Variants in RBFOX1 observed in about 807,000 individuals in gnomAD.
RBFOX1 encodes RNA binding fox-1 homolog 1.
A neutral mutation model predicts 57.7 loss-of-function variants in RBFOX1; 8 were observed. That is an observed-to-expected ratio of 0.14 (90% CI 0.08 to 0.25). The LOEUF (loss-of-function observed/expected upper bound fraction) is 0.25, where lower values mean the gene tolerates loss of function less well. Ranked by LOEUF, RBFOX1 falls within the 10% of genes least tolerant of loss-of-function variation. The pLI is 1.00. For synonymous variants in RBFOX1, 326 were observed against 222.4 expected, an observed-to-expected ratio of 1.47 and a Z score of -4.15; for missense variants, 611 against 548.5, an observed-to-expected ratio of 1.11 and a Z score of -1.14.
At chr16:6,158,301 C>A (rs1008413229) in intron 1 of RBFOX1, among the ~76,000 whole-genome samples, 2 of 152,126 alleles carry the variant, frequency 1.3e-5, no homozygotes, top group African/African-American at 2.4e-5. Flanking sequence ...AGGCGATGCA[C>A]CTACAGCAAT....
intron 4 of RBFOX1, among the ~76,000 whole-genome samples, chr16:7,294,630 A>T (rs2095855874): frequency 6.6e-6 from 1 of 152,158 alleles, no homozygotes; most frequent in Non-Finnish European, 1.5e-5. Context: ...AAGGACAAGA[A>T]AGCTAGGAAA....
At chr16:6,290,146 T>C (rs190036482) in intron 1 of RBFOX1, among the ~76,000 whole-genome samples, 3 of 146,760 alleles carry the variant, frequency 2.0e-5, no homozygotes, top group Admixed American at 6.8e-5. Context: ...CTACCTTTTT[T>C]ATGAATTTTG....
In RBFOX1 at chr16:5,943,094, T is replaced by C. The variant is rs558788027; in HGVS notation, c.351+75759T>C. Reference sequence around the variant, plus strand: ...TCCCTCATCAGAGATTCTCCCACCCTGAGGGGAGCTGTCCCTGGACCTCAG... The same window carrying C: ...TCCCTCATCAGAGATTCTCCCACCCCGAGGGGAGCTGTCCCTGGACCTCAG... On this transcript the variant is annotated intron_variant, in intron 4 of 19. Coordinates refer to the RBFOX1 transcript ENST00000641259. Among the ~76,000 whole-genome samples the C allele has an allele frequency of 3.3e-5, 5 of 152,292 alleles. No homozygotes were observed. The South Asian group carries it at 1.0e-3, about 32-fold the overall frequency.
At chr16:7,695,468 C>A (rs1184889242) in intron 14 of RBFOX1, among the ~76,000 whole-genome samples, 1 of 151,956 alleles carries the variant, frequency 6.6e-6, no homozygotes, top group Non-Finnish European at 1.5e-5. Context: ...GCCTGGCCAA[C>A]ATGGTGAAAC....
intron 4 of RBFOX1, among the ~76,000 whole-genome samples, chr16:7,417,232 G>C (rs1052164158): frequency 6.6e-6 from 1 of 151,788 alleles, no homozygotes; most frequent in Admixed American, 6.6e-5. Flanking sequence ...TACTGGCTGG[G>C]CGTGGTGGTG....
intron 5 of RBFOX1, among the ~76,000 whole-genome samples, chr16:7,527,302 C>T (rs907140371): frequency 2.6e-5 from 4 of 152,032 alleles, no homozygotes; most frequent in African/African-American, 4.8e-5. Flanking sequence ...AACTAAAGAC[C>T]TTTATTACCC....
intron 1 of RBFOX1, chr16:5,365,703 T>C: frequency 2.7e-6 from 1 of 364,300 alleles, no homozygotes; most frequent in South Asian, 2.2e-5. Flanking sequence ...GAGCTTTCCC[T>C]GGTGTGATTC....
chr16:5,587,076 A>T (rs2046857444), intron 2 of RBFOX1, among the ~76,000 whole-genome samples: 1 of 152,192 alleles, frequency 6.6e-6, no homozygotes, highest in South Asian at 2.1e-4. Context: ...AAGCTCTGAA[A>T]ATGGACATGG....
intron 4 of RBFOX1, among the ~76,000 whole-genome samples, chr16:7,331,012 G>A (rs562926242): frequency 6.6e-6 from 1 of 152,130 alleles, no homozygotes; most frequent in Non-Finnish European, 1.5e-5. Flanking sequence ...TTTTTGAATT[G>A]TACAACGTGG....
At chr16:5,831,712 G>A (rs2056282332) in intron 3 of RBFOX1, among the ~76,000 whole-genome samples, 1 of 151,916 alleles carries the variant, frequency 6.6e-6, no homozygotes, top group African/African-American at 2.4e-5. Flanking sequence ...TGGGATTACA[G>A]GTGTGAGCCA....
chr16:7,354,596 A>G (rs1260176875), intron 4 of RBFOX1, among the ~76,000 whole-genome samples: 2 of 152,222 alleles, frequency 1.3e-5, no homozygotes, highest in Non-Finnish European at 2.9e-5. Flanking sequence ...TTAGGATTTC[A>G]TTCAATTTAA....
intron 1 of RBFOX1, among the ~76,000 whole-genome samples, chr16:6,087,085 C>A (rs951470214): frequency 2.6e-5 from 4 of 152,110 alleles, no homozygotes; most frequent in African/African-American, 9.7e-5. Context: ...GGAAAAGAGA[C>A]AAATTTGACA....
chr16:7,076,690 A>G (rs1019422223), intron 4 of RBFOX1, among the ~76,000 whole-genome samples: 1 of 152,226 alleles, frequency 6.6e-6, no homozygotes, highest in African/African-American at 2.4e-5. Flanking sequence ...AAGTGTAAAC[A>G]ATTCTAAATA....
At chr16:5,823,984 G>A (rs1597389036) in intron 3 of RBFOX1, among the ~76,000 whole-genome samples, 1 of 152,150 alleles carries the variant, frequency 6.6e-6, no homozygotes, top group Non-Finnish European at 1.5e-5. Flanking sequence ...TGCCAAAAAG[G>A]CTGGGAACCA....
At chr16:7,538,989 A>C (rs1050043444) in intron 5 of RBFOX1, among the ~76,000 whole-genome samples, 10 of 152,028 alleles carry the variant, frequency 6.6e-5, no homozygotes, top group African/African-American at 2.4e-4. Flanking sequence ...TGAATTCGAA[A>C]AAGGTGTGTC....
At chr16:6,691,651 A>G (rs1317000730) in intron 3 of RBFOX1, among the ~76,000 whole-genome samples, 2 of 152,194 alleles carry the variant, frequency 1.3e-5, no homozygotes, top group East Asian at 1.9e-4. Context: ...ACAAACGTAA[A>G]ATGACCATGG....
At chr16:5,397,248 C>T (rs2066584711) in intron 1 of RBFOX1, among the ~76,000 whole-genome samples, 1 of 152,226 alleles carries the variant, frequency 6.6e-6, no homozygotes, top group South Asian at 2.1e-4. Context: ...GATTTTCCCC[C>T]TCTGGTTTCA....
chr16:5,592,974 G>A (rs769608176), intron 2 of RBFOX1, among the ~76,000 whole-genome samples: 1 of 152,186 alleles, frequency 6.6e-6, no homozygotes, highest in Non-Finnish European at 1.5e-5. Context: ...GACCTACTGA[G>A]CTGTGTTCCC....
Position 7,170,504 on chromosome 16 carries a change from C to T in RBFOX1, c.27+118406C>T, listed in dbSNP as rs1289568609. On this transcript the variant is annotated intron_variant, in intron 4 of 15. Transcript: ENST00000550418. The stretch of plus-strand genomic sequence containing the variant: ...TTGCCCATATTGGTCTCAAATTCCT[C>T]AGCTCAAGTATGAGTAGATGGGATT... Among the ~76,000 whole-genome samples, 5 of 152,144 alleles carry T rather than the reference C, an allele frequency of 3.3e-5. No homozygotes were observed. In the East Asian group the frequency reaches 9.6e-4, roughly 29 times the overall value.
Sources: gnomAD v4.1 joint callset for allele counts (sites outside exome capture counted in the v4.1 genomes callset) on GRCh38, gnomAD v4.1.1 for gene constraint, MANE v1.5 for transcripts, NCBI Gene and HGNC (gene_info 2026-07-23, HGNC 2026-07-21) for gene names.